The following TBC1D15 variants were observed in gnomAD, a reference collection of about 807,000 sequenced individuals.
The protein encoded by TBC1D15 is GAP for RAB7.
A neutral mutation model predicts 95.4 loss-of-function variants in TBC1D15; 39 were observed. The ratio of observed to expected loss-of-function variants is 0.41; its 90% CI spans 0.32 to 0.53. The LOEUF is 0.53. Ranked by LOEUF, TBC1D15 falls within the 20% of genes least tolerant of loss-of-function variation. TBC1D15 has a pLI of 0.29. For synonymous variants in TBC1D15, 258 were observed against 261.3 expected (o/e 0.99, Z 0.12); for missense variants, 733 against 794.3 (o/e 0.92, Z 0.93).
At chr12:71,922,458 GTA>G (rs1869793511) in intron 16 of TBC1D15, among the ~76,000 whole-genome samples, 1 of 151,764 alleles carries the variant, frequency 6.6e-6, no homozygotes, top group Non-Finnish European at 1.5e-5. Flanking sequence ...TGTTACATAG[GTA>G]TACATGTGCC....
At chr12:71,884,718 CA>C (rs1895888460) in intron 4 of TBC1D15, 92 bp from the exon 5 acceptor site, 1 of 1,161,446 alleles carries the variant, frequency 8.6e-7, no homozygotes, top group South Asian at 1.4e-5. Context: ...TCCCTGGGTT[CA>C]ACTAATTTAT....
chr12:71,853,814 C>T (rs1224356284), intron 1 of TBC1D15, among the ~76,000 whole-genome samples: 1 of 152,198 alleles, frequency 6.6e-6, no homozygotes, highest in Non-Finnish European at 1.5e-5. Context: ...TTTTGCCTCA[C>T]TGATGAGGCA....
chr12:71,877,210 G>GTTTTTTTT (rs370164812), intron 3 of TBC1D15, among the ~76,000 whole-genome samples: 2 of 133,860 alleles, frequency 1.5e-5, no homozygotes, highest in South Asian at 2.4e-4. Context: ...GTGTGTGTGT[G>GTTTTTTTT]TTTTTTTTTT....
intron 1 of TBC1D15, among the ~76,000 whole-genome samples, chr12:71,858,134 G>A (rs1214826001): frequency 6.6e-6 from 1 of 151,750 alleles, no homozygotes; most frequent in African/African-American, 2.4e-5. Context: ...GTGCAGTGGC[G>A]TGACCTCGGC....
intron 1 of TBC1D15, among the ~76,000 whole-genome samples, chr12:71,868,566 G>T (rs969103079): frequency 6.6e-6 from 1 of 151,934 alleles, no homozygotes; most frequent in Non-Finnish European, 1.5e-5. Context: ...TTTTTGTAAG[G>T]TGTCTGTCAC....
chr12:71,888,322 A>G (rs1215464293), intron 5 of TBC1D15, among the ~76,000 whole-genome samples: 1 of 152,000 alleles, frequency 6.6e-6, no homozygotes, highest in Non-Finnish European at 1.5e-5. Context: ...CGTCTCTACT[A>G]CAGATACAAG....
intron 1 of TBC1D15, among the ~76,000 whole-genome samples, chr12:71,859,590 T>A (rs1429135378): frequency 6.6e-6 from 1 of 151,808 alleles, no homozygotes; most frequent in Non-Finnish European, 1.5e-5. Flanking sequence ...TAGTTTTGGA[T>A]CTTACATTTA....
At chr12:71,840,917 A>G (rs930158617) in intron 1 of TBC1D15, among the ~76,000 whole-genome samples, 6 of 152,182 alleles carry the variant, frequency 3.9e-5, no homozygotes, top group Admixed American at 2.0e-4. Context: ...TATCTGTAGA[A>G]TGGAGGAGAT....
Position 71,888,678 on chromosome 12 carries a change from G to T in TBC1D15, c.554+3657G>T, listed in dbSNP as rs116963643. 4.3e-3 allele frequency among the ~76,000 whole-genome samples: 653 copies of T among 152,166 alleles called. 9 individuals are homozygous for T. Among genetic ancestry groups the T allele is most frequent in the Non-Finnish European group, 5.6e-3 (381 of 68,000 alleles). On this transcript the variant is annotated intron_variant, in intron 5 of 16. Transcript: ENST00000485960. ...AAAGCACCTTCTCTGTTGATAGGCAGATCTAAGAGAGAGGGAAAGAGAGAG... is the reference window on the plus strand; with the variant it reads ...AAAGCACCTTCTCTGTTGATAGGCATATCTAAGAGAGAGGGAAAGAGAGAG...
chr12:71,857,405 G>A (rs1368233893), intron 1 of TBC1D15, among the ~76,000 whole-genome samples: 2 of 152,124 alleles, frequency 1.3e-5, no homozygotes, highest in Non-Finnish European at 2.9e-5. Flanking sequence ...TATGCATAGA[G>A]ATAACTTTTC....
In TBC1D15 at chr12:71,923,036, A is replaced by G; in HGVS notation, c.1857A>G (p.Thr619=). ...EILGLQGSEV[T]TPDSDVGEDE... is the part of the protein sequence containing the mutation. ...TTGGGCTTCAAGGCAGTGAAGTTAC[A>G]ACACCAGATTCAGACGTTGGTGAAG... The change falls in exon 17 of 17, where the codon ACA becomes ACG. Residue 619 remains threonine (T), a synonymous_variant. Transcript: ENST00000485960. The G allele has an allele frequency of 6.2e-7, 1 of 1,614,228 alleles. No individual in the cohort carries two copies. The highest frequency in any genetic ancestry group is 8.5e-7 in the Non-Finnish European group (1 of 1,180,040).
rs1403776714 is a variant in TBC1D15 at position 71,894,776 on chromosome 12, T to G, written c.748T>G (p.Ser250Ala). Residue 250 changes from serine to alanine, a missense_variant, in exon 7 of 17, where the codon TCT becomes GCT. Physicochemically the swap from Ser to Ala is moderately conservative, Grantham distance 99 (BLOSUM62 1). Transcript: ENST00000485960. ...IFDSLRGSDPSTHQRPPSEMA... is the reference protein window; with the variant it reads ...IFDSLRGSDPATHQRPPSEMA... The stretch of plus-strand genomic sequence containing the variant: ...TGACAGTTTGAGAGGCAGCGATCCC[T>G]CTACACATCAACGACCACCTTCAGA... 1 of 1,613,394 alleles carries G rather than the reference T, an allele frequency of 6.2e-7. No homozygotes were observed. The highest frequency in any genetic ancestry group is 8.5e-7 in the Non-Finnish European group (1 of 1,179,468).
intron 10 of TBC1D15, among the ~76,000 whole-genome samples, chr12:71,899,012 G>T (rs1444897858): frequency 6.6e-6 from 1 of 152,106 alleles, no homozygotes; most frequent in Non-Finnish European, 1.5e-5. Flanking sequence ...GAAGCTTCTT[G>T]ATATTTTCAG....
intron 10 of TBC1D15, among the ~76,000 whole-genome samples, chr12:71,902,546 A>T (rs572853875): frequency 2.0e-5 from 3 of 152,168 alleles, no homozygotes; most frequent in Non-Finnish European, 4.4e-5. Context: ...ATTAAACTGG[A>T]CCCCTACCTT....
At chr12:71,878,434 G>A (rs1894422292) in intron 3 of TBC1D15, among the ~76,000 whole-genome samples, 1 of 151,892 alleles carries the variant, frequency 6.6e-6, no homozygotes, top group Non-Finnish European at 1.5e-5. Flanking sequence ...AGAGAGAGGT[G>A]GGGAACAGAG....
intron 11 of TBC1D15, among the ~76,000 whole-genome samples, chr12:71,911,457 G>T (rs868095739): frequency 7.4e-6 from 1 of 135,414 alleles, no homozygotes; most frequent in Non-Finnish European, 1.5e-5. Context: ...AAAATGATGA[G>T]TTCATGTCCT....
intron 4 of TBC1D15, among the ~76,000 whole-genome samples, chr12:71,881,652 T>A (rs1895164104): frequency 6.6e-6 from 1 of 151,946 alleles, no homozygotes; most frequent in African/African-American, 2.4e-5. Flanking sequence ...GCGCGGTGGC[T>A]CACTCCTGTA....
intron 1 of TBC1D15, among the ~76,000 whole-genome samples, chr12:71,857,778 G>C (rs148346714): frequency 6.6e-6 from 1 of 152,132 alleles, no homozygotes; most frequent in Non-Finnish European, 1.5e-5. Flanking sequence ...GCTGTAGAAC[G>C]TTAGAATTTA....
chr12:71,866,177 G>A (rs1451292412), intron 1 of TBC1D15, among the ~76,000 whole-genome samples: 1 of 152,132 alleles, frequency 6.6e-6, no homozygotes, highest in Non-Finnish European at 1.5e-5. Flanking sequence ...TTCGGTGGTT[G>A]CTTAGTCTCA....
Sources: gnomAD v4.1 joint callset for allele counts (sites outside exome capture counted in the v4.1 genomes callset) on GRCh38, gnomAD v4.1.1 for gene constraint, MANE v1.5 for transcripts, NCBI Gene and HGNC (gene_info 2026-07-23, HGNC 2026-07-21) for gene names.